Variants in WDR70 observed in about 807,000 individuals in gnomAD.
WDR70 encodes WD repeat domain 70, also known as WD repeat-containing protein 70.
Under a neutral mutation model 88.6 loss-of-function variants are expected in WDR70, and 53 were observed. The ratio of observed to expected loss-of-function variants is 0.60; its 90% confidence interval spans 0.48 to 0.75. The LOEUF (loss-of-function observed/expected upper bound fraction) is 0.75, where lower values mean the gene tolerates loss of function less well. Ranked by LOEUF, WDR70 falls within the 30% of genes least tolerant of loss-of-function variation. The pLI is 0.00. For missense variants in WDR70, 610 were observed against 823.2 expected (o/e 0.74, Z 3.17); for synonymous variants, 280 against 270.0 (o/e 1.04, Z -0.36).
intron 17 of WDR70, among the ~76,000 whole-genome samples, chr5:37,732,814 T>G (rs2112716640): frequency 6.6e-6 from 1 of 152,186 alleles, no homozygotes; most frequent in Non-Finnish European, 1.5e-5. Flanking sequence ...GTTTATGGCG[T>G]TTTTCTCACG....
chr5:37,612,739 C>T (rs1321868146), intron 10 of WDR70, among the ~76,000 whole-genome samples: 3 of 152,182 alleles, frequency 2.0e-5, no homozygotes, highest in South Asian at 2.1e-4. Context: ...TTGCTCCAGC[C>T]AGTCATTCAT....
intron 8 of WDR70, among the ~76,000 whole-genome samples, chr5:37,482,479 G>T (rs1226892421): frequency 6.6e-6 from 1 of 152,178 alleles, no homozygotes; most frequent in East Asian, 1.9e-4. Flanking sequence ...AAAACCATCA[G>T]ATCTCATGAG....
chr5:37,633,666 C>G (rs373225562), intron 10 of WDR70, among the ~76,000 whole-genome samples: 1 of 151,790 alleles, frequency 6.6e-6, no homozygotes, highest in African/African-American at 2.4e-5. Context: ...AAATATGTGT[C>G]GCAAAGAGGA....
chr5:37,381,604 A>G lies in WDR70; in HGVS notation c.94A>G (p.Lys32Glu), dbSNP rs1748426044. The G allele has an allele frequency of 6.2e-7, 1 of 1,608,904 alleles. No homozygotes were observed. The highest frequency in any genetic ancestry group is 8.5e-7 in the Non-Finnish European group (1 of 1,176,496). ...TCTCCCATTTGTTCATGTTTTAGGT[A>G]AAAAAGCTCGCACATTTGACTTGGA... ...AVTMGFTGFG[K>E]KARTFDLEAM... is the part of the protein sequence containing the mutation. Residue 32 changes from lysine to glutamate, a missense_variant and splice_region_variant, in exon 3 of 18, where the codon AAA becomes GAA. By Grantham distance (56) the Lys-to-Glu change is moderately conservative. Coordinates refer to ENST00000265107, the MANE Select transcript of WDR70 (RefSeq NM_018034.4).
chr5:37,690,489 C>A (rs1396797876), intron 10 of WDR70, among the ~76,000 whole-genome samples: 4 of 152,160 alleles, frequency 2.6e-5, no homozygotes, highest in Non-Finnish European at 5.9e-5. Flanking sequence ...AAGGGAAGCC[C>A]ATCAGACTAA....
intron 10 of WDR70, among the ~76,000 whole-genome samples, chr5:37,673,407 G>T (rs1746088633): frequency 1.3e-5 from 2 of 151,812 alleles, no homozygotes; most frequent in African/African-American, 4.8e-5. Flanking sequence ...TATTCCTTTG[G>T]GCATATACCC....
intron 17 of WDR70, among the ~76,000 whole-genome samples, chr5:37,745,676 C>T (rs1748616934): frequency 6.6e-6 from 1 of 151,858 alleles, no homozygotes; most frequent in East Asian, 1.9e-4. Context: ...TCAAAAAAGG[C>T]AAAGAAGGGC....
chr5:37,486,552 C>G (rs1325633184), intron 8 of WDR70, among the ~76,000 whole-genome samples: 1 of 152,042 alleles, frequency 6.6e-6, no homozygotes, highest in Non-Finnish European at 1.5e-5. Context: ...GCCAGGTTGT[C>G]CAGGCTGGTC....
rs762250359 is a variant in WDR70 at position 37,702,922 on chromosome 5, A to G, written c.1278-27A>G. 3 of 1,592,822 alleles carry G rather than the reference A, an allele frequency of 1.9e-6. No individual in the cohort carries two copies. The South Asian group carries it at 3.3e-5, about 18-fold the overall frequency. On this transcript the variant is annotated intron_variant, in intron 12 of 17. Transcript: ENST00000265107. ...GGACTGTTGTGGAGGTCATAAGCTT[A>G]TACTCGTAAACTCTTTTTTTCTGTA...
chr5:37,508,427 A>G (rs1561880323), intron 8 of WDR70, among the ~76,000 whole-genome samples: 1 of 152,180 alleles, frequency 6.6e-6, no homozygotes, highest in Non-Finnish European at 1.5e-5. Context: ...CACCCAGTCT[A>G]TGGTCTTTTG....
chr5:37,438,046 A>G (rs1206200424), intron 6 of WDR70, 65 bp downstream of exon 6: 1 of 1,388,838 alleles, frequency 7.2e-7, no homozygotes, highest in Admixed American at 2.0e-5. Flanking sequence ...AAGTGAACTG[A>G]TAAGATACAT....
chr5:37,632,424 A>T (rs1477248648), intron 10 of WDR70, among the ~76,000 whole-genome samples: 1 of 152,190 alleles, frequency 6.6e-6, no homozygotes, highest in East Asian at 1.9e-4. Flanking sequence ...ATCATAGGAG[A>T]TGACAGTTCC....
intron 17 of WDR70, among the ~76,000 whole-genome samples, chr5:37,747,143 C>T (rs1222771245): frequency 1.3e-5 from 2 of 152,074 alleles, no homozygotes; most frequent in African/African-American, 4.8e-5. Flanking sequence ...CATAATCCAT[C>T]ACATAAACAG....
At chr5:37,658,006 T>C (rs1371575942) in intron 10 of WDR70, among the ~76,000 whole-genome samples, 2 of 152,222 alleles carry the variant, frequency 1.3e-5, no homozygotes, top group Non-Finnish European at 1.5e-5. Flanking sequence ...TAATATGTAC[T>C]GTCTTCTTAC....
At chr5:37,651,850 G>T (rs1245235240) in intron 10 of WDR70, among the ~76,000 whole-genome samples, 3 of 152,052 alleles carry the variant, frequency 2.0e-5, no homozygotes, top group African/African-American at 7.2e-5. Context: ...TGTAGATTCT[G>T]GATATTAGCC....
In WDR70 at chr5:37,647,735, G is replaced by T. The variant is rs141861182; in HGVS notation, c.1092+42497G>T. Among the ~76,000 whole-genome samples the T allele has an allele frequency of 7.0e-3, 1,063 of 152,276 alleles. 12 individuals are homozygous for T. Among genetic ancestry groups the T allele is most frequent in the African/African-American group, 0.024 (1,013 of 41,552 alleles). ...CCTTACTCCCAAACTTACTTTGTTT[G>T]TTTCTCCTAAACAAGCAAGAGTCTC... On this transcript the variant is annotated intron_variant, in intron 10 of 17. Transcript: ENST00000265107.
At chr5:37,449,142 T>A (rs529854584) in intron 7 of WDR70, among the ~76,000 whole-genome samples, 3 of 152,350 alleles carry the variant, frequency 2.0e-5, no homozygotes, top group Admixed American at 6.5e-5. Context: ...GAGTGAGTAG[T>A]ATTTAAATAA....
chr5:37,481,338 C>A lies in WDR70; in HGVS notation c.840+1351C>A, dbSNP rs923319175. ...AGAGGTTATCCATGAGGGCCCCCCCCGCTCCCTGCAGCAAACTTTTGCCTG... is the reference window on the plus strand; with the variant it reads ...AGAGGTTATCCATGAGGGCCCCCCCAGCTCCCTGCAGCAAACTTTTGCCTG... On this transcript the variant is annotated intron_variant, in intron 8 of 17. Transcript: ENST00000265107. 9.2e-5 allele frequency among the ~76,000 whole-genome samples: 14 copies of A among 152,168 alleles called. 1 individual carries two copies. The highest frequency in any genetic ancestry group is 7.2e-4 in the Admixed American group (11 of 15,282).
intron 7 of WDR70, among the ~76,000 whole-genome samples, chr5:37,457,679 A>T (rs1738884987): frequency 6.6e-6 from 1 of 152,166 alleles, no homozygotes; most frequent in Non-Finnish European, 1.5e-5. Flanking sequence ...TCAGCACAAG[A>T]GTCTGATAAT....
Sources: gnomAD v4.1 joint callset for allele counts (sites outside exome capture counted in the v4.1 genomes callset) on GRCh38, gnomAD v4.1.1 for gene constraint, MANE v1.5 for transcripts, NCBI Gene and HGNC (gene_info 2026-07-23, HGNC 2026-07-21) for gene names.